The following EXOC6B variants were observed in gnomAD, a reference collection of about 807,000 sequenced individuals.
The protein encoded by EXOC6B is exocyst complex component 6B.
In EXOC6B, 54 loss-of-function variants were observed where a neutral mutation model predicts 113.5. The observed-to-expected ratio is 0.48, with a 90% CI of 0.38 to 0.60. EXOC6B has a LOEUF of 0.60. Ranked by LOEUF, EXOC6B falls within the 20% of genes least tolerant of loss-of-function variation. The pLI is 0.00. For missense variants in EXOC6B, 797 were observed against 977.5 expected (o/e 0.82, Z 2.46); for synonymous variants, 357 against 339.0 (o/e 1.05, Z -0.58).
chr2:72,507,451 T>C (rs1700653610), intron 11 of EXOC6B, among the ~76,000 whole-genome samples: 1 of 152,160 alleles, frequency 6.6e-6, no homozygotes, highest in Admixed American at 6.5e-5. Context: ...AGTTTTTAAT[T>C]GTTTGTATAT....
chr2:72,641,276 G>A (rs767005772), intron 6 of EXOC6B, among the ~76,000 whole-genome samples: 6 of 152,200 alleles, frequency 3.9e-5, no homozygotes, highest in Non-Finnish European at 8.8e-5. Context: ...CTCACCTGGG[G>A]CACAAGGGGT....
intron 8 of EXOC6B, chr2:72,515,415 C>A: frequency 8.4e-7 from 1 of 1,185,380 alleles, no homozygotes; most frequent in Non-Finnish European, 1.0e-6. Flanking sequence ...CTCAAATTCA[C>A]AAGAATGCAG....
At chr2:72,426,551 T>C (rs1251421327) in intron 18 of EXOC6B, among the ~76,000 whole-genome samples, 3 of 152,224 alleles carry the variant, frequency 2.0e-5, no homozygotes, top group African/African-American at 7.2e-5. Context: ...TGCTTGAGTT[T>C]CTCTACTTAC....
chr2:72,328,030 T>C (rs1256992169), intron 20 of EXOC6B, among the ~76,000 whole-genome samples: 1 of 152,114 alleles, frequency 6.6e-6, no homozygotes, highest in East Asian at 1.9e-4. Context: ...ATGGAGCCTA[T>C]TCTCATGGTG....
At chr2:72,192,589 G>A (rs1678916548) in intron 20 of EXOC6B, among the ~76,000 whole-genome samples, 1 of 152,148 alleles carries the variant, frequency 6.6e-6, no homozygotes, top group Non-Finnish European at 1.5e-5. Context: ...GTTAGAGAAA[G>A]CCTCCTCTTT....
At chr2:72,589,395 T>C (rs1420696507) in intron 6 of EXOC6B, among the ~76,000 whole-genome samples, 1 of 151,992 alleles carries the variant, frequency 6.6e-6, no homozygotes. Flanking sequence ...GAAAAATTAA[T>C]TTATTTCATT....
intron 5 of EXOC6B, among the ~76,000 whole-genome samples, chr2:72,726,330 G>C (rs1680299661): frequency 6.6e-6 from 1 of 152,130 alleles, no homozygotes; most frequent in East Asian, 1.9e-4. Flanking sequence ...CTATTCAACT[G>C]TACACTTAAA....
intron 5 of EXOC6B, among the ~76,000 whole-genome samples, chr2:72,729,966 T>C (rs1372625737): frequency 1.3e-5 from 2 of 152,154 alleles, no homozygotes; most frequent in Non-Finnish European, 2.9e-5. Flanking sequence ...GTATACTTTT[T>C]CCCTCAAAAC....
At chr2:72,418,566 T>C (rs1485867397) in intron 18 of EXOC6B, among the ~76,000 whole-genome samples, 1 of 152,196 alleles carries the variant, frequency 6.6e-6, no homozygotes, top group African/African-American at 2.4e-5. Flanking sequence ...ATATACATTG[T>C]TTTTGTTTCT....
intron 20 of EXOC6B, among the ~76,000 whole-genome samples, chr2:72,277,088 G>T (rs890016175): frequency 6.6e-6 from 1 of 152,092 alleles, no homozygotes; most frequent in African/African-American, 2.4e-5. Context: ...TCCAAATCAG[G>T]GAGGTAATTT....
intron 6 of EXOC6B, among the ~76,000 whole-genome samples, chr2:72,661,312 T>TA (rs1674995304): frequency 7.3e-6 from 1 of 137,754 alleles, no homozygotes; most frequent in Non-Finnish European, 1.6e-5. Flanking sequence ...GAAAAAAAAC[T>TA]AAATTGTCCG....
At chr2:72,810,103 T>C (rs1559020901) in intron 1 of EXOC6B, among the ~76,000 whole-genome samples, 1 of 152,066 alleles carries the variant, frequency 6.6e-6, no homozygotes, top group Non-Finnish European at 1.5e-5. Context: ...ATAGGAAATG[T>C]CCAAACACTT....
chr2:72,641,250 C>A (rs185278264), intron 6 of EXOC6B, among the ~76,000 whole-genome samples: 2 of 152,212 alleles, frequency 1.3e-5, no homozygotes, highest in African/African-American at 2.4e-5. Flanking sequence ...CGAGCTGAAG[C>A]AGGGCGGGGC....
chr2:72,472,880 T>G, intron 17 of EXOC6B, among the ~76,000 whole-genome samples: 1 of 152,178 alleles, frequency 6.6e-6, no homozygotes, highest in East Asian at 1.9e-4. Context: ...ATGTTGTGTT[T>G]CCATTTCATT....
chr2:72,711,828 C>T (rs1388504149), intron 6 of EXOC6B, among the ~76,000 whole-genome samples: 2 of 152,110 alleles, frequency 1.3e-5, no homozygotes, highest in Admixed American at 1.3e-4. Context: ...CATGGATACG[C>T]TGGACCAAGG....
chr2:72,389,311 T>C (rs377617542), intron 18 of EXOC6B, among the ~76,000 whole-genome samples: 2 of 151,962 alleles, frequency 1.3e-5, no homozygotes, highest in African/African-American at 4.8e-5. Flanking sequence ...CAATTCCATA[T>C]ATAAAAACAG....
At chr2:72,233,199 A>G (rs1279669728) in intron 20 of EXOC6B, among the ~76,000 whole-genome samples, 1 of 152,256 alleles carries the variant, frequency 6.6e-6, no homozygotes, top group Non-Finnish European at 1.5e-5. Context: ...GTAATTAAAT[A>G]AAAGACACCA....
intron 1 of EXOC6B, among the ~76,000 whole-genome samples, chr2:72,750,488 A>C (rs2104851443): frequency 6.6e-6 from 1 of 152,252 alleles, no homozygotes; most frequent in East Asian, 1.9e-4. Context: ...TTGCCCACAC[A>C]AGATGGGGAG....
intron 6 of EXOC6B, among the ~76,000 whole-genome samples, chr2:72,708,080 C>T (rs1171895456): frequency 6.6e-6 from 1 of 151,714 alleles, no homozygotes; most frequent in Admixed American, 6.6e-5. Flanking sequence ...AAAATAAAAC[C>T]CAGACTAGGG....
Sources: allele counts gnomAD v4.1 joint callset (sites outside exome capture counted in the v4.1 genomes callset), GRCh38; gene constraint gnomAD v4.1.1; transcripts MANE v1.5; gene names NCBI Gene and HGNC (gene_info 2026-07-23, HGNC 2026-07-21).